Variants in ABAT observed in about 807,000 individuals in gnomAD.
The protein encoded by ABAT is 4-aminobutyrate aminotransferase.
ABAT carries 45 observed loss-of-function variants against 64.6 expected under a neutral mutation model. That is an observed-to-expected ratio of 0.70 (90% confidence interval 0.55 to 0.89). ABAT has a LOEUF of 0.89. ABAT is among the 40% of genes least tolerant of loss of function. The pLI, the probability that ABAT is intolerant of heterozygous loss-of-function variation, is 0.00. For missense variants in ABAT, 633 were observed against 658.4 expected (o/e 0.96, Z 0.42); for synonymous variants, 297 against 250.5 (o/e 1.19, Z -1.75).
intron 2 of ABAT, chr16:8,736,107 G>C (rs2058923036): frequency 1.7e-5 from 7 of 423,686 alleles, no homozygotes; most frequent in South Asian, 1.6e-4. Flanking sequence ...ACAGGCAAGA[G>C]AGCATGTGCA....
rs1166367154 is a variant in ABAT, at chr16:8,783,519, G to A, written c.*2089G>A. 1.3e-5 allele frequency: 2 copies of A among 152,252 alleles called. No homozygotes were observed. The highest frequency in any genetic ancestry group is 2.9e-5 in the Non-Finnish European group (2 of 68,086). The allele number at this position is 152,252 out of a possible 1,614,324, so 9.4% of individuals were successfully genotyped here. On this transcript the variant is annotated 3_prime_UTR_variant, in exon 16 of 16. Transcript: ENST00000268251. ...AGGCAAGGCAAGGAAGGGTGTTGCA[G>A]AGAGGGAACAGCATATGCAAAGGCG... is the stretch of plus-strand genomic sequence containing the variant.
intron 3 of ABAT, among the ~76,000 whole-genome samples, chr16:8,747,414 G>A (rs1173715199): frequency 1.3e-5 from 2 of 152,080 alleles, no homozygotes; most frequent in African/African-American, 4.8e-5. Context: ...ATTTTGGATA[G>A]TGTTTTGCTA....
intron 1 of ABAT, among the ~76,000 whole-genome samples, chr16:8,704,187 G>T (rs1424399403): frequency 6.6e-6 from 1 of 152,226 alleles, no homozygotes; most frequent in Non-Finnish European, 1.5e-5. Flanking sequence ...AAATTTGACT[G>T]GTTCAATGCT....
At chr16:8,752,425 A>G (rs574814623) in intron 5 of ABAT, among the ~76,000 whole-genome samples, 1 of 152,288 alleles carries the variant, frequency 6.6e-6, no homozygotes, top group Non-Finnish European at 1.5e-5. Context: ...CACTGTGTGC[A>G]TGAAGGTCAG....
intron 1 of ABAT, among the ~76,000 whole-genome samples, chr16:8,706,184 G>A (rs547070272): frequency 2.8e-4 from 43 of 151,590 alleles, no homozygotes; most frequent in Non-Finnish European, 5.5e-4. Context: ...GAGGTAGGTG[G>A]ATCACTTGAG....
At chr16:8,774,569 ACGAGGTCGAGACC>A (rs1429095066) in intron 12 of ABAT, among the ~76,000 whole-genome samples, 4 of 152,116 alleles carry the variant, frequency 2.6e-5, no homozygotes, top group Non-Finnish European at 2.9e-5. Flanking sequence ...GCTCCCTCTG[ACGAGGTCGAGACC>A]CGAGACTGAA....
intron 2 of ABAT, 82 bp downstream of exon 2, chr16:8,735,891 T>C: frequency 7.7e-7 from 1 of 1,300,138 alleles, no homozygotes. Flanking sequence ...GGAAGAGCCC[T>C]TGGGGATAAA....
chr16:8,702,298 G>A (rs945519798), intron 1 of ABAT, among the ~76,000 whole-genome samples: 1 of 151,928 alleles, frequency 6.6e-6, no homozygotes, highest in Non-Finnish European at 1.5e-5. Flanking sequence ...TTTTGCCCAG[G>A]CTGGAGTGCA....
At chr16:8,731,119 C>T (rs1424190088) in intron 1 of ABAT, among the ~76,000 whole-genome samples, 3 of 152,246 alleles carry the variant, frequency 2.0e-5, no homozygotes, top group Middle Eastern at 6.8e-3. Context: ...TGCACCACCA[C>T]ACCCAGCTAA....
chr16:8,733,232 G>GAT (rs1292215412), intron 1 of ABAT, among the ~76,000 whole-genome samples: 2 of 151,306 alleles, frequency 1.3e-5, no homozygotes, highest in East Asian at 3.9e-4. Context: ...CTTCTCAGAC[G>GAT]GGGCGGCCGG....
chr16:8,749,152 A>G (rs1403181670), intron 4 of ABAT, among the ~76,000 whole-genome samples: 1 of 149,618 alleles, frequency 6.7e-6, no homozygotes, highest in Non-Finnish European at 1.5e-5. Flanking sequence ...CAGTGGCGCA[A>G]TCTCGGCTCA....
intron 1 of ABAT, among the ~76,000 whole-genome samples, chr16:8,684,021 T>G (rs2057395107): frequency 6.6e-6 from 1 of 152,084 alleles, no homozygotes. Flanking sequence ...CACCAGCGCC[T>G]CTTCTAGACT....
At chr16:8,695,267 AGAG>A (rs1270041559) in intron 1 of ABAT, among the ~76,000 whole-genome samples, 2 of 152,298 alleles carry the variant, frequency 1.3e-5, no homozygotes, top group Non-Finnish European at 2.9e-5. Context: ...TGTGGGAGAG[AGAG>A]GAGAACTCTT....
chr16:8,749,026 G>T (rs140243943), intron 4 of ABAT, among the ~76,000 whole-genome samples: 1 of 150,828 alleles, frequency 6.6e-6, no homozygotes, highest in South Asian at 2.1e-4. Flanking sequence ...TCATATGGTT[G>T]TGTTTACAGC....
chr16:8,687,425 C>G (rs1319977930), intron 1 of ABAT, among the ~76,000 whole-genome samples: 1 of 152,180 alleles, frequency 6.6e-6, no homozygotes, highest in African/African-American at 2.4e-5. Flanking sequence ...ACACGGGAGG[C>G]TGAGGCAGGA....
intron 1 of ABAT, among the ~76,000 whole-genome samples, chr16:8,726,183 A>C (rs2058547481): frequency 6.6e-6 from 1 of 151,102 alleles, no homozygotes; most frequent in African/African-American, 2.4e-5. Flanking sequence ...AACACATGCC[A>C]CTTGTCTTTG....
intron 1 of ABAT, among the ~76,000 whole-genome samples, chr16:8,733,628 G>A (rs2058823893): frequency 6.6e-6 from 1 of 151,924 alleles, no homozygotes; most frequent in Non-Finnish European, 1.5e-5. Context: ...TTAGGGGCTG[G>A]AGACCGGCCT....
chr16:8,774,163 C>T (rs2060200610), intron 12 of ABAT, among the ~76,000 whole-genome samples: 1 of 152,062 alleles, frequency 6.6e-6, no homozygotes, highest in African/African-American at 2.4e-5. Flanking sequence ...GACTCCTGGC[C>T]TTGGGTGATT....
At chr16:8,774,608 G>A (rs181377938) in intron 12 of ABAT, among the ~76,000 whole-genome samples, 24 of 152,202 alleles carry the variant, frequency 1.6e-4, no homozygotes, top group African/African-American at 3.6e-4. Flanking sequence ...ATGACATACC[G>A]CTCTGTGTTG....
Sources: gnomAD v4.1 joint callset for allele counts (sites outside exome capture counted in the v4.1 genomes callset) on GRCh38, gnomAD v4.1.1 for gene constraint, MANE v1.5 for transcripts, NCBI Gene and HGNC (gene_info 2026-07-23, HGNC 2026-07-21) for gene names.